The following CDH18 variants were observed in gnomAD, a reference collection of about 807,000 sequenced individuals.
CDH18 encodes cadherin-18.
CDH18 carries 31 observed loss-of-function variants against 67.9 expected under a neutral mutation model. That is an observed-to-expected ratio of 0.46 (90% CI 0.34 to 0.62). The LOEUF is 0.62. Among genes scored for constraint, CDH18 ranks in the 20% least tolerant of loss-of-function variants. The pLI, the probability that CDH18 is intolerant of heterozygous loss-of-function variation, is 0.01. For synonymous variants in CDH18, 362 were observed against 347.2 expected (o/e 1.04, Z -0.48); for missense variants, 890 against 975.5 (o/e 0.91, Z 1.17).
At chr5:19,706,864 C>T (rs574546052) in intron 5 of CDH18, among the ~76,000 whole-genome samples, 2 of 152,282 alleles carry the variant, frequency 1.3e-5, no homozygotes, top group South Asian at 4.1e-4. Flanking sequence ...GACTACGGGA[C>T]TCCACATATA....
chr5:20,336,872 A>G (rs1358696365), intron 1 of CDH18, among the ~76,000 whole-genome samples: 1 of 152,156 alleles, frequency 6.6e-6, no homozygotes, highest in Non-Finnish European at 1.5e-5. Context: ...AGTCATTAAC[A>G]TGACATTAGC....
At chr5:19,598,981 T>C (rs1343671035) in intron 6 of CDH18, among the ~76,000 whole-genome samples, 1 of 152,128 alleles carries the variant, frequency 6.6e-6, no homozygotes, top group African/African-American at 2.4e-5. Flanking sequence ...AAAATTGGAA[T>C]AGACAAAATA....
chr5:19,920,900 C>CACACACACAT (rs1484392057), intron 2 of CDH18, among the ~76,000 whole-genome samples: 1 of 151,224 alleles, frequency 6.6e-6, no homozygotes, highest in Non-Finnish European at 1.5e-5. Flanking sequence ...AGAGCACACA[C>CACACACACAT]ACACACACAC....
chr5:20,454,320 T>G lies in CDH18; in HGVS notation c.-580+121142A>C, dbSNP rs115188060. Among the ~76,000 whole-genome samples the G allele has an allele frequency of 8.9e-3, 1,347 of 152,020 alleles. 12 individuals are homozygous for G. The highest frequency in any genetic ancestry group is 0.016 in the Non-Finnish European group (1,067 of 67,974). On this transcript the variant is annotated intron_variant, in intron 1 of 14. Coordinates refer to the CDH18 transcript ENST00000507958. ...TATTTCTGGAAAGGTATAATTGGGT[T>G]CAATTCACATAACTTTCATTTTTTT...
At chr5:19,897,470 G>A (rs1348336013) in intron 2 of CDH18, among the ~76,000 whole-genome samples, 1 of 152,006 alleles carries the variant, frequency 6.6e-6, no homozygotes, top group Non-Finnish European at 1.5e-5. Flanking sequence ...TTCTTACATT[G>A]CCCACACATT....
At chr5:19,522,292 A>C (rs1359472182) in intron 9 of CDH18, among the ~76,000 whole-genome samples, 3 of 152,172 alleles carry the variant, frequency 2.0e-5, no homozygotes, top group Non-Finnish European at 4.4e-5. Flanking sequence ...TGCATCATAC[A>C]TCATTCTTAA....
intron 2 of CDH18, among the ~76,000 whole-genome samples, chr5:20,070,966 C>T (rs1285465139): frequency 2.0e-5 from 3 of 152,082 alleles, no homozygotes; most frequent in African/African-American, 7.2e-5. Flanking sequence ...TACCATTTTC[C>T]TAAAATCTGA....
At chr5:19,703,167 G>A (rs1343079701) in intron 5 of CDH18, among the ~76,000 whole-genome samples, 2 of 152,118 alleles carry the variant, frequency 1.3e-5, no homozygotes, top group Non-Finnish European at 2.9e-5. Context: ...CTGGGGTAGG[G>A]TCTCCACGAC....
chr5:20,562,949 T>C (rs1308818701), intron 1 of CDH18, among the ~76,000 whole-genome samples: 1 of 151,680 alleles, frequency 6.6e-6, no homozygotes, highest in Non-Finnish European at 1.5e-5. Flanking sequence ...TCCTACTTAA[T>C]GTCAATTCTA....
At chr5:20,156,478 ACAGT>A (rs1561836602) in intron 2 of CDH18, among the ~76,000 whole-genome samples, 1 of 152,202 alleles carries the variant, frequency 6.6e-6, no homozygotes, top group Non-Finnish European at 1.5e-5. Context: ...TAACTCAGAA[ACAGT>A]CAAATACCGT....
chr5:20,143,328 A>G (rs1309713137), intron 2 of CDH18, among the ~76,000 whole-genome samples: 1 of 152,102 alleles, frequency 6.6e-6, no homozygotes, highest in Admixed American at 6.6e-5. Context: ...GTAAGTGGAA[A>G]AGTGGCATAT....
intron 2 of CDH18, among the ~76,000 whole-genome samples, chr5:20,161,112 T>C (rs1735858555): frequency 2.0e-5 from 3 of 152,214 alleles, no homozygotes; most frequent in South Asian, 2.1e-4. Context: ...GCCATTTACA[T>C]AAAAATTTTG....
intron 5 of CDH18, among the ~76,000 whole-genome samples, chr5:19,653,102 A>T (rs1215910407): frequency 1.3e-5 from 2 of 151,846 alleles, no homozygotes; most frequent in African/African-American, 2.4e-5. Flanking sequence ...AGTTTTTTAG[A>T]TACCAATATA....
chr5:19,856,261 T>C (rs1784276289), intron 2 of CDH18, among the ~76,000 whole-genome samples: 2 of 152,198 alleles, frequency 1.3e-5, no homozygotes, highest in South Asian at 2.1e-4. Context: ...TAGGTGTCTG[T>C]GTTTTTCCAA....
At chr5:20,166,607 C>T (rs1415468383) in intron 2 of CDH18, among the ~76,000 whole-genome samples, 2 of 152,026 alleles carry the variant, frequency 1.3e-5, no homozygotes, top group African/African-American at 2.4e-5. Context: ...TCCCAGGTGC[C>T]GCCACTGGAG....
chr5:20,252,178 C>T (rs1433127257), intron 2 of CDH18, among the ~76,000 whole-genome samples: 3 of 151,866 alleles, frequency 2.0e-5, no homozygotes, highest in Admixed American at 6.6e-5. Context: ...ATGTAAAACC[C>T]CCTTTCTACT....
chr5:20,553,536 A>G (rs1253801570), intron 1 of CDH18, among the ~76,000 whole-genome samples: 2 of 152,204 alleles, frequency 1.3e-5, no homozygotes, highest in African/African-American at 4.8e-5. Flanking sequence ...AAAACTCCCC[A>G]TATTACAGAT....
chr5:20,357,297 T>C (rs111329438), intron 1 of CDH18, among the ~76,000 whole-genome samples: 3,284 of 152,232 alleles, frequency 0.022, 85 homozygotes, highest in African/African-American at 0.056. Flanking sequence ...GAAGGAAGCA[T>C]GTATGCAAAA....
chr5:20,432,993 CTATT>C (rs1011812773), intron 1 of CDH18, among the ~76,000 whole-genome samples: 1 of 145,422 alleles, frequency 6.9e-6, no homozygotes, highest in South Asian at 2.2e-4. Context: ...TGTATGTATA[CTATT>C]TAGTCATTGT....
Sources: allele counts gnomAD v4.1 joint callset (sites outside exome capture counted in the v4.1 genomes callset), GRCh38; gene constraint gnomAD v4.1.1; transcripts MANE v1.5; gene names NCBI Gene and HGNC (gene_info 2026-07-23, HGNC 2026-07-21).